SBF2: variants seen among roughly 807,000 people sequenced by gnomAD.
SBF2 encodes myotubularin-related protein 13.
Under a neutral mutation model 225.2 loss-of-function variants are expected in SBF2, and 112 were observed. The ratio of observed to expected loss-of-function variants is 0.50; its 90% CI spans 0.43 to 0.58. SBF2 has a LOEUF of 0.58. Ranked by LOEUF, SBF2 falls within the 20% of genes least tolerant of loss-of-function variation. The pLI is 0.00. For missense variants in SBF2, 1,996 were observed against 2,206.2 expected, an observed-to-expected ratio of 0.90 and a Z score of 1.91; for synonymous variants, 763 against 773.3, an observed-to-expected ratio of 0.99 and a Z score of 0.22.
At chr11:9,911,804 ATACT>A (rs1290654242) in intron 16 of SBF2, among the ~76,000 whole-genome samples, 3 of 151,492 alleles carry the variant, frequency 2.0e-5, no homozygotes, top group Non-Finnish European at 2.9e-5. Flanking sequence ...AGATATACAA[ATACT>A]TACCATTGTG....
At position 9,850,027 on chromosome 11, in the gene SBF2, C is replaced by T. The variant is rs1391237450; in HGVS notation, c.2802G>A (p.Gln934=). 3 of 1,613,934 alleles carry T rather than the reference C, an allele frequency of 1.9e-6. No homozygotes were observed. The South Asian group carries it at 3.3e-5, about 18-fold the overall frequency. The part of the protein sequence containing the change: ...RILFRGTPHD[Q]LVGEQTVVRS... ...TGATGGCATATCGAGTCATACCTAA[C>T]TGATCATGGGGTGTTCCTCTGAAGA... The change falls in exon 22 of 40, where the codon CAG becomes CAA. Residue 934 remains glutamine (Q), a synonymous_variant. Transcript: ENST00000256190.
intron 29 of SBF2, among the ~76,000 whole-genome samples, chr11:9,813,958 T>TA (rs1051247603): frequency 6.6e-6 from 1 of 152,046 alleles, no homozygotes; most frequent in African/African-American, 2.4e-5. Flanking sequence ...AAAAATTACA[T>TA]AAAAAAACCA....
At chr11:9,935,306 G>GAC (rs1296795884) in intron 16 of SBF2, among the ~76,000 whole-genome samples, 1 of 152,050 alleles carries the variant, frequency 6.6e-6, no homozygotes, top group African/African-American at 2.4e-5. Flanking sequence ...AATAAAAGAG[G>GAC]ACACAAAGAA....
intron 17 of SBF2, among the ~76,000 whole-genome samples, chr11:9,868,025 A>C (rs945124745): frequency 6.6e-6 from 1 of 152,190 alleles, no homozygotes; most frequent in East Asian, 1.9e-4. Context: ...CAACACAAAG[A>C]AATGACAAAT....
intron 2 of SBF2, among the ~76,000 whole-genome samples, chr11:10,088,559 G>C (rs1000193124): frequency 1.3e-5 from 2 of 152,302 alleles, no homozygotes; most frequent in East Asian, 1.9e-4. Context: ...CCAAGGTAGG[G>C]GAAGGGAAGC....
intron 14 of SBF2, among the ~76,000 whole-genome samples, chr11:9,968,038 GTC>G (rs1867081002): frequency 6.7e-6 from 1 of 150,118 alleles, no homozygotes; most frequent in Non-Finnish European, 1.5e-5. Context: ...GGTTGAATGA[GTC>G]TGTAAATATA....
At chr11:10,001,254 C>T (rs1947943457) in intron 7 of SBF2, among the ~76,000 whole-genome samples, 2 of 151,976 alleles carry the variant, frequency 1.3e-5, no homozygotes, top group South Asian at 2.1e-4. Context: ...CTTCCTTAAC[C>T]TTTGTTTCTT....
At chr11:10,263,128 T>C (rs1186041277) in intron 1 of SBF2, among the ~76,000 whole-genome samples, 1 of 152,194 alleles carries the variant, frequency 6.6e-6, no homozygotes, top group African/African-American at 2.4e-5. Context: ...CTTCTTTCTA[T>C]ACCTATTGAA....
chr11:10,294,289 C>G (rs539512668), upstream of SBF2: 1 of 362,880 alleles, frequency 2.8e-6, no homozygotes, highest in African/African-American at 2.1e-5. Flanking sequence ...GCCCCAAGCC[C>G]GGGCGGCGAG....
chr11:10,143,724 G>GTTT (rs200454034), intron 2 of SBF2, among the ~76,000 whole-genome samples: 15 of 143,310 alleles, frequency 1.0e-4, no homozygotes, highest in South Asian at 2.2e-4. Context: ...TTTTGCTTTT[G>GTTT]TTTTTTTTTT....
chr11:9,930,245 T>C (rs187074021), intron 16 of SBF2, among the ~76,000 whole-genome samples: 14 of 152,312 alleles, frequency 9.2e-5, no homozygotes, highest in Admixed American at 9.2e-4. Context: ...CATTTACTTT[T>C]TTACCAACCT....
At chr11:9,835,838 G>A (rs548308394) in intron 26 of SBF2, among the ~76,000 whole-genome samples, 1 of 151,922 alleles carries the variant, frequency 6.6e-6, no homozygotes, top group Non-Finnish European at 1.5e-5. Context: ...CACTGTGTGA[G>A]TATGATACCA....
At chr11:9,921,526 T>A (rs1863631631) in intron 16 of SBF2, among the ~76,000 whole-genome samples, 3 of 152,200 alleles carry the variant, frequency 2.0e-5, no homozygotes, top group African/African-American at 7.2e-5. Context: ...TGTACTAAAA[T>A]TATCCTTTCT....
At position 9,845,546 on chromosome 11, in the gene SBF2, G is replaced by T. The variant is rs1208086358; in HGVS notation, c.3110+19C>A. On this transcript the variant is annotated intron_variant, in intron 24 of 39. Transcript: ENST00000256190. Reference sequence around the variant, plus strand: ...AATTACGGGAGGGCTGAAATTAACAGACTTGTCTTTCTTCTTACCGAAAAG... The same window carrying T: ...AATTACGGGAGGGCTGAAATTAACATACTTGTCTTTCTTCTTACCGAAAAG... 4 of 1,609,012 alleles carry T rather than the reference G, an allele frequency of 2.5e-6. No homozygotes were observed. The highest frequency in any genetic ancestry group is 2.6e-6 in the Non-Finnish European group (3 of 1,175,406).
chr11:9,833,163 C>T (rs1855500518), intron 26 of SBF2, among the ~76,000 whole-genome samples: 1 of 152,158 alleles, frequency 6.6e-6, no homozygotes, highest in South Asian at 2.1e-4. Context: ...GGCATGAGAA[C>T]AATTTGTTCA....
chr11:10,273,581 G>C (rs1026213747), intron 1 of SBF2, among the ~76,000 whole-genome samples: 1 of 152,178 alleles, frequency 6.6e-6, no homozygotes, highest in Non-Finnish European at 1.5e-5. Flanking sequence ...TCAAAGTTTT[G>C]TCAATGCTAG....
intron 16 of SBF2, among the ~76,000 whole-genome samples, chr11:9,948,654 C>T (rs1865694916): frequency 6.6e-6 from 1 of 152,130 alleles, no homozygotes; most frequent in Non-Finnish European, 1.5e-5. Context: ...GTCTCTGTTG[C>T]CAGACTCTCT....
intron 2 of SBF2, among the ~76,000 whole-genome samples, chr11:10,088,027 T>A (rs886129600): frequency 8.3e-5 from 12 of 144,532 alleles, no homozygotes; most frequent in African/African-American, 3.2e-4. Context: ...AAACTTTAAT[T>A]TTTTTTTTTT....
At chr11:10,186,722 C>A (rs1223920351) in intron 2 of SBF2, among the ~76,000 whole-genome samples, 1 of 152,142 alleles carries the variant, frequency 6.6e-6, no homozygotes, top group East Asian at 1.9e-4. Context: ...CCACTAAATG[C>A]ATAATTGCTT....
Sources: gnomAD v4.1 joint callset for allele counts (sites outside exome capture counted in the v4.1 genomes callset) on GRCh38, gnomAD v4.1.1 for gene constraint, MANE v1.5 for transcripts, NCBI Gene and HGNC (gene_info 2026-07-23, HGNC 2026-07-21) for gene names.